Variants in ADAMTS14 observed in about 807,000 individuals in gnomAD.
The protein encoded by ADAMTS14 is ADAM metallopeptidase with thrombospondin type 1 motif 14.
In ADAMTS14, 100 loss-of-function variants were observed where a neutral mutation model predicts 128.6. The ratio of observed to expected loss-of-function variants is 0.78; its 90% CI spans 0.66 to 0.92. The LOEUF (loss-of-function observed/expected upper bound fraction) is 0.92. ADAMTS14 is among the 40% of genes least tolerant of loss of function. The pLI is 0.00. For missense variants in ADAMTS14, 1,562 were observed against 1,658.6 expected (o/e 0.94, Z 1.01); for synonymous variants, 665 against 653.8 (o/e 1.02, Z -0.26).
At chr10:70,674,010 T>C (rs963323568) in intron 1 of ADAMTS14, among the ~76,000 whole-genome samples, 4 of 152,188 alleles carry the variant, frequency 2.6e-5, no homozygotes, top group Admixed American at 1.3e-4. Flanking sequence ...CTTTCTAACC[T>C]TGGAAAAATA....
At chr10:70,719,711 A>G (rs1841190390) in intron 4 of ADAMTS14, among the ~76,000 whole-genome samples, 2 of 152,290 alleles carry the variant, frequency 1.3e-5, no homozygotes, top group South Asian at 4.1e-4. Context: ...CCTGGCTGAA[A>G]TAAGTTTTAA....
rs1328124533 is a variant in ADAMTS14, at chr10:70,741,144, C to T, written c.1906C>T (p.Pro636Ser). 6.2e-7 allele frequency: 1 copy of T among 1,613,226 alleles called. No individual in the cohort carries two copies. Among genetic ancestry groups the T allele is most frequent in the Non-Finnish European group, 8.5e-7 (1 of 1,179,758 alleles). Residue 636 changes from proline (P) to serine (S), a missense_variant, in exon 12 of 22, where the codon CCC (proline) becomes TCC (serine). Coordinates refer to ENST00000373207, the MANE Select transcript of ADAMTS14 (RefSeq NM_080722.4). ...CCAGAATGCCAAGCACAGCTGGGTG[C>T]CCTACGAGCCTGACGATGGTGAGTG... ...VHQNAKHSWV[P>S]YEPDDDAQKC...
chr10:70,751,104 C>T (rs748303281), intron 16 of ADAMTS14, among the ~76,000 whole-genome samples: 11 of 152,202 alleles, frequency 7.2e-5, no homozygotes, highest in Non-Finnish European at 1.5e-4. Flanking sequence ...TGATGAGGGT[C>T]AGTATCCGAA....
At chr10:70,704,208 T>G (rs1354484357) in intron 3 of ADAMTS14, among the ~76,000 whole-genome samples, 1 of 152,116 alleles carries the variant, frequency 6.6e-6, no homozygotes, top group African/African-American at 2.4e-5. Context: ...GTGGAGGGGA[T>G]TCCAGCCCCC....
chr10:70,673,056 A>G (rs1169491073), intron 1 of ADAMTS14, among the ~76,000 whole-genome samples, 172 bp downstream of exon 1: 2 of 151,990 alleles, frequency 1.3e-5, no homozygotes, highest in Non-Finnish European at 2.9e-5. Context: ...CTGTCCCGTG[A>G]TTTCTCTCCC....
At position 70,735,176 on chromosome 10, in the gene ADAMTS14, G is replaced by A. The variant is rs777171630; in HGVS notation, c.1360G>A (p.Asp454Asn). ...LELSRYLPSY[D>N]CLLDDPFDPA... Reference sequence around the variant, plus strand: ...CCTTGTCTCTACTGGCAGCTCCTACGACTGCCTCCTCGATGACCCCTTTGA... The same window carrying A: ...CCTTGTCTCTACTGGCAGCTCCTACAACTGCCTCCTCGATGACCCCTTTGA... Residue 454 changes from aspartate (D) to asparagine (N), a missense_variant, in exon 9 of 22, where the codon GAC (aspartate) becomes AAC (asparagine). By Grantham distance (23) the Asp-to-Asn change is conservative. Transcript: ENST00000373207. 1.4e-5 allele frequency: 22 copies of A among 1,612,362 alleles called. No homozygotes were observed. The highest frequency in any genetic ancestry group is 1.2e-4 in the African/African-American group (9 of 74,904).
At chr10:70,712,625 A>G (rs944369016) in intron 4 of ADAMTS14, among the ~76,000 whole-genome samples, 1 of 152,056 alleles carries the variant, frequency 6.6e-6, no homozygotes, top group Non-Finnish European at 1.5e-5. Context: ...AGCCTCTGCC[A>G]GAGAAGATGG....
chr10:70,707,500 G>A (rs961963008), intron 3 of ADAMTS14, among the ~76,000 whole-genome samples: 8 of 152,112 alleles, frequency 5.3e-5, no homozygotes, highest in African/African-American at 1.4e-4. Context: ...AGCTTTCCCC[G>A]TGAGTCTCCA....
At chr10:70,752,016 AG>A in intron 17 of ADAMTS14, 78 bp from the exon 18 acceptor site, 4 of 1,543,774 alleles carry the variant, frequency 2.6e-6, no homozygotes, top group Non-Finnish European at 2.6e-6. Context: ...GGCTCTCCAC[AG>A]GTACTGCCCC....
rs1842140467 is a variant in ADAMTS14 at position 70,745,259 on chromosome 10, C to T, written c.2216C>T (p.Ala739Val). The T allele has an allele frequency of 5.0e-6, 8 of 1,612,578 alleles. No individual in the cohort carries two copies. The highest frequency in any genetic ancestry group is 5.9e-6 in the Non-Finnish European group (7 of 1,179,980). ...AAGCTGGTGCAGATCCCAGCAGGTG[C>T]CAGGCACATCCAGATTGAGGCACTG... ...ALKLVQIPAG[A>V]RHIQIEALEK... The change falls in exon 15 of 22, where the codon GCC becomes GTC. Residue 739 changes from alanine to valine, a missense_variant. Physicochemically the swap from Ala to Val is moderately conservative, Grantham distance 64. Transcript: ENST00000373207.
At chr10:70,720,594 C>A (rs992763988) in intron 4 of ADAMTS14, among the ~76,000 whole-genome samples, 1 of 152,210 alleles carries the variant, frequency 6.6e-6, no homozygotes, top group Non-Finnish European at 1.5e-5. Context: ...AGGGTCAGCC[C>A]CAGAGGGCTG....
intron 4 of ADAMTS14, among the ~76,000 whole-genome samples, chr10:70,722,679 G>C (rs1032527405): frequency 1.3e-5 from 2 of 152,172 alleles, no homozygotes; most frequent in African/African-American, 4.8e-5. Flanking sequence ...AACCATGGGG[G>C]TGTGTTTACA....
intron 2 of ADAMTS14, among the ~76,000 whole-genome samples, chr10:70,676,528 G>A (rs1372810178): frequency 2.0e-5 from 3 of 152,194 alleles, no homozygotes; most frequent in East Asian, 1.9e-4. Flanking sequence ...TGTCAGGTGC[G>A]CAGAATCTGC....
At chr10:70,728,217 T>C (rs1383817840) in intron 4 of ADAMTS14, among the ~76,000 whole-genome samples, 2 of 152,192 alleles carry the variant, frequency 1.3e-5, no homozygotes, top group Non-Finnish European at 2.9e-5. Context: ...TTAAATGTAT[T>C]GAATGATGTT....
At chr10:70,741,549 C>T (rs1389338602) in intron 12 of ADAMTS14, among the ~76,000 whole-genome samples, 1 of 152,206 alleles carries the variant, frequency 6.6e-6, no homozygotes, top group South Asian at 2.1e-4. Context: ...TATATAGGTG[C>T]AGGCGCCCTT....
rs187834392 is a variant in ADAMTS14, at chr10:70,689,905, C to T, written c.523-12407C>T. On this transcript the variant is annotated intron_variant, in intron 2 of 21. Coordinates refer to ENST00000373207, the MANE Select transcript of ADAMTS14 (RefSeq NM_080722.4). The stretch of plus-strand genomic sequence containing the variant: ...CACTCAAATGTCACCTTCAGAGCGA[C>T]GTCCTCCCTGGCAACCTTATTCACA... 1.1e-3 allele frequency among the ~76,000 whole-genome samples: 157 copies of T among 145,302 alleles called. 32 individuals carry two copies. Among genetic ancestry groups the T allele is most frequent in the Non-Finnish European group, 2.2e-3 (139 of 63,504 alleles).
chr10:70,677,773 C>T (rs928376294), intron 2 of ADAMTS14, among the ~76,000 whole-genome samples: 1 of 152,178 alleles, frequency 6.6e-6, no homozygotes, highest in African/African-American at 2.4e-5. Flanking sequence ...GCTGGGATTC[C>T]TTGACTTTCC....
rs760593313 is a variant in ADAMTS14 at position 70,760,352 on chromosome 10, G to A, written c.3179-8G>A. On this transcript the variant is annotated splice_polypyrimidine_tract_variant and splice_region_variant and intron_variant, in intron 21 of 21. Transcript: ENST00000373207. ...GCTTCCATCCTTGTCCTTGTGCTGT[G>A]TGTGCAGCGGAGCCCTGCACGGGAG... 21 of 1,540,998 alleles carry A rather than the reference G, an allele frequency of 1.4e-5. No homozygotes were observed. The highest frequency in any genetic ancestry group is 1.0e-5 in the Non-Finnish European group (12 of 1,143,616).
chr10:70,752,455 C>CCCAGCCA (rs1842377997), intron 18 of ADAMTS14, among the ~76,000 whole-genome samples: 4 of 151,720 alleles, frequency 2.6e-5, no homozygotes, highest in African/African-American at 7.3e-5. Flanking sequence ...GCCTGCCAGC[C>CCCAGCCA]CCCAGCCATG....
Sources: allele counts gnomAD v4.1 joint callset (sites outside exome capture counted in the v4.1 genomes callset), GRCh38; gene constraint gnomAD v4.1.1; transcripts MANE v1.5; gene names NCBI Gene and HGNC (gene_info 2026-07-23, HGNC 2026-07-21).